Variants in KLF12 observed in about 807,000 individuals in gnomAD.
KLF12 encodes the protein Krueppel-like factor 12.
Under a neutral mutation model 37.8 loss-of-function variants are expected in KLF12, and 9 were observed. The ratio of observed to expected loss-of-function variants is 0.24; its 90% CI spans 0.14 to 0.42. The LOEUF is 0.42. Among genes scored for constraint, KLF12 ranks in the 10% least tolerant of loss-of-function variants. KLF12 has a pLI of 1.00. For synonymous variants in KLF12, 208 were observed against 202.1 expected (o/e 1.03, Z -0.25); for missense variants, 411 against 516.0 (o/e 0.80, Z 1.97).
At chr13:73,738,036 C>CACACATACGTGTGTATATATATATAT (rs1877590638) in intron 6 of KLF12, among the ~76,000 whole-genome samples, 4 of 145,750 alleles carry the variant, frequency 2.7e-5, no homozygotes, top group Non-Finnish European at 6.1e-5. Flanking sequence ...CACACACACA[C>CACACATACGTGTGTATATATATATAT]ACACACACAC....
At chr13:74,272,653 G>T in the KLF12 span, among the ~76,000 whole-genome samples, 1 of 152,136 alleles carries the variant, frequency 6.6e-6, no homozygotes, top group Non-Finnish European at 1.5e-5. Flanking sequence ...ACAAAGAGCT[G>T]AAAGAAACAA....
chr13:73,852,380 C>A (rs1408767248), intron 3 of KLF12, among the ~76,000 whole-genome samples: 3 of 152,116 alleles, frequency 2.0e-5, no homozygotes, highest in Admixed American at 2.0e-4. Context: ...ACACTGATAA[C>A]CTGGAATTTG....
chr13:73,695,401 T>C lies in KLF12; in HGVS notation c.*89A>G. 1 of 1,276,198 alleles carries C rather than the reference T, an allele frequency of 7.8e-7. No individual in the cohort carries two copies. Among genetic ancestry groups the C allele is most frequent in the South Asian group, 1.3e-5 (1 of 75,644 alleles). 79.1% of individuals were successfully genotyped at this position (1,276,198 alleles called of 1,614,324 possible). On this transcript the variant is annotated 3_prime_UTR_variant, in exon 8 of 8. Transcript: ENST00000377669. ...ATCGTGGGATGGTGATGCCCTTTTG[T>C]GTTAACACTGTGAAGGGGATTCAGC...
At chr13:74,107,183 C>T (rs1389910839) in intron 1 of KLF12, among the ~76,000 whole-genome samples, 2 of 152,170 alleles carry the variant, frequency 1.3e-5, no homozygotes, top group Admixed American at 1.3e-4. Context: ...AGCACCATAA[C>T]CCAATAAGCT....
At chr13:74,109,961 A>AGACTTTTGGGGAAAAGAATCAT (rs1367344032) in intron 1 of KLF12, among the ~76,000 whole-genome samples, 1 of 152,214 alleles carries the variant, frequency 6.6e-6, no homozygotes, top group Non-Finnish European at 1.5e-5. Context: ...AATCATAGCT[A>AGACTTTTGGGGAAAAGAATCAT]AGACTTTTGG....
chr13:73,813,265 T>C lies in KLF12; in HGVS notation c.693A>G (p.Leu231=), dbSNP rs558639500. The C allele has an allele frequency of 1.1e-5, 18 of 1,614,060 alleles. No individual in the cohort carries two copies. The East Asian group carries it at 3.3e-4, about 30-fold the overall frequency. ...TGTCACTTTTACTTTGTCTGGGAGA[T>C]AGGCCTCGGGGGTCCATTTGTGCTG... The change falls in exon 5 of 8, where the codon CTA becomes CTG. Residue 231 remains leucine (L), a synonymous_variant. Transcript: ENST00000377669.
At chr13:74,166,848 C>G in the KLF12 span, among the ~76,000 whole-genome samples, 1 of 152,164 alleles carries the variant, frequency 6.6e-6, no homozygotes, top group Non-Finnish European at 1.5e-5. Flanking sequence ...GCTCTTCTCC[C>G]ACTGAAGCTG....
intron 1 of KLF12, among the ~76,000 whole-genome samples, chr13:74,128,950 C>T (rs1878105915): frequency 6.6e-6 from 1 of 151,690 alleles, no homozygotes; most frequent in Non-Finnish European, 1.5e-5. Flanking sequence ...ATATAGACTA[C>T]AAAAACACAT....
chr13:73,764,000 A>G (rs1879739556), intron 6 of KLF12, among the ~76,000 whole-genome samples: 1 of 152,166 alleles, frequency 6.6e-6, no homozygotes, highest in Admixed American at 6.5e-5. Context: ...CATGATTCAA[A>G]TTCAAAGTGT....
chr13:73,739,183 G>A (rs532410852), intron 6 of KLF12, among the ~76,000 whole-genome samples: 5 of 151,730 alleles, frequency 3.3e-5, no homozygotes, highest in Admixed American at 1.3e-4. Flanking sequence ...ACAGTGAGCC[G>A]AGACTGTGCC....
At chr13:73,874,521 G>A (rs1216678263) in intron 3 of KLF12, among the ~76,000 whole-genome samples, 2 of 152,160 alleles carry the variant, frequency 1.3e-5, no homozygotes, top group East Asian at 3.8e-4. Context: ...TCAGGAAAAT[G>A]TCACTGCAGT....
chr13:73,985,489 A>T (rs1891804579), intron 2 of KLF12, among the ~76,000 whole-genome samples: 2 of 152,230 alleles, frequency 1.3e-5, no homozygotes, highest in African/African-American at 4.8e-5. Flanking sequence ...AGTGATTATC[A>T]CAGTGTGCAA....
Position 74,126,265 on chromosome 13 carries a change from C to A in KLF12, c.-32+7474G>T, listed in dbSNP as rs547359542. Among the ~76,000 whole-genome samples the A allele has an allele frequency of 1.1e-4, 16 of 152,208 alleles. No homozygotes were observed. In the South Asian group the frequency reaches 3.3e-3, roughly 32 times the overall value. ...ATATTTATTTAATAAAGGATGGAAT[C>A]TAATAATTGTATGAGATTTTGTACG... On this transcript the variant is annotated intron_variant, in intron 1 of 7. Coordinates refer to ENST00000377669, the MANE Select transcript of KLF12 (RefSeq NM_007249.5).
At chr13:73,970,773 C>T (rs1234271784) in intron 2 of KLF12, among the ~76,000 whole-genome samples, 1 of 152,138 alleles carries the variant, frequency 6.6e-6, no homozygotes, top group Non-Finnish European at 1.5e-5. Context: ...GCAGCTGAAT[C>T]AAATGTTTAG....
At chr13:73,915,537 G>T (rs1211236521) in intron 3 of KLF12, among the ~76,000 whole-genome samples, 1 of 151,330 alleles carries the variant, frequency 6.6e-6, no homozygotes, top group African/African-American at 2.4e-5. Context: ...TTTTGAGATG[G>T]AGTCTCGCTC....
At chr13:73,824,609 G>A (rs1461640392) in intron 4 of KLF12, among the ~76,000 whole-genome samples, 1 of 151,980 alleles carries the variant, frequency 6.6e-6, no homozygotes, top group Admixed American at 6.6e-5. Context: ...TTCAATCTTG[G>A]TTGAAGGACG....
intron 2 of KLF12, among the ~76,000 whole-genome samples, chr13:73,987,543 G>A (rs1192102061): frequency 2.0e-5 from 3 of 151,476 alleles, no homozygotes; most frequent in Non-Finnish European, 2.9e-5. Context: ...CTATAATCAA[G>A]TGGCCAGAGA....
At position 73,799,207 on chromosome 13, in the gene KLF12, G is replaced by A. The variant is rs1206580248; in HGVS notation, c.806+13945C>T. On this transcript the variant is annotated intron_variant, in intron 5 of 7. Transcript: ENST00000377669. ...TCTCACTTACATGTGGGAGCAAAAT[G>A]AAGAGAACTTACGAACACAAAGAAG... 2.0e-5 allele frequency among the ~76,000 whole-genome samples: 3 copies of A among 152,136 alleles called. No homozygotes were observed. In the East Asian group the frequency reaches 5.8e-4, roughly 29 times the overall value.
At chr13:73,852,932 C>T (rs1334181687) in intron 3 of KLF12, among the ~76,000 whole-genome samples, 8 of 147,742 alleles carry the variant, frequency 5.4e-5, no homozygotes, top group African/African-American at 7.5e-5. Context: ...TGCAGTGGCG[C>T]GATCTCAGCT....
Sources: gnomAD v4.1 joint callset for allele counts (sites outside exome capture counted in the v4.1 genomes callset) on GRCh38, gnomAD v4.1.1 for gene constraint, MANE v1.5 for transcripts, NCBI Gene and HGNC (gene_info 2026-07-23, HGNC 2026-07-21) for gene names.